CAGE1: variants seen among roughly 807,000 people sequenced by gnomAD.
CAGE1 encodes cancer-associated gene 1 protein.
In CAGE1, 66 loss-of-function variants were observed where a neutral mutation model predicts 94.9. The observed-to-expected ratio is 0.70, with a 90% CI of 0.57 to 0.85. CAGE1 has a LOEUF of 0.85. CAGE1 is among the 40% of genes least tolerant of loss of function. CAGE1 has a pLI of 0.00. For missense variants in CAGE1, 865 were observed against 950.4 expected (o/e 0.91, Z 1.18); for synonymous variants, 319 against 321.0 (o/e 0.99, Z 0.07).
At chr6:7,360,280 G>A (rs1051390191) in intron 9 of CAGE1, among the ~76,000 whole-genome samples, 19 of 152,052 alleles carry the variant, frequency 1.2e-4, no homozygotes, top group African/African-American at 4.6e-4. Flanking sequence ...AATCTTTGGG[G>A]GTGCCATTAT....
intron 9 of CAGE1, among the ~76,000 whole-genome samples, chr6:7,363,114 C>CA (rs1162966949): frequency 2.0e-5 from 3 of 152,006 alleles, no homozygotes; most frequent in African/African-American, 7.2e-5. Flanking sequence ...ACTAAAAATA[C>CA]AAAAAATTAG....
intron 11 of CAGE1, among the ~76,000 whole-genome samples, chr6:7,347,981 T>C (rs575345328): frequency 1.3e-5 from 2 of 151,854 alleles, no homozygotes; most frequent in Admixed American, 6.5e-5. Context: ...GCCTTCCCTA[T>C]CCACCCCTGG....
intron 11 of CAGE1, among the ~76,000 whole-genome samples, chr6:7,346,928 C>T (rs954850860): frequency 3.3e-5 from 5 of 152,060 alleles, no homozygotes; most frequent in African/African-American, 1.2e-4. Context: ...ATGATAAAGC[C>T]TAAATTCAGA....
intron 13 of CAGE1, among the ~76,000 whole-genome samples, chr6:7,328,900 GTGTGTGTGTGTGTGTGTGTA>G (rs1561843790): frequency 9.6e-5 from 9 of 93,342 alleles, no homozygotes; most frequent in Admixed American, 2.1e-4. Context: ...GTGTGTGTGT[GTGTGTGTGTGTGTGTGTGTA>G]TATATATATA....
chr6:7,379,394 C>T (rs1379112935), intron 3 of CAGE1, among the ~76,000 whole-genome samples: 1 of 152,090 alleles, frequency 6.6e-6, no homozygotes, highest in Admixed American at 6.6e-5. Flanking sequence ...TATAAACTTG[C>T]TTAATCTCAC....
intron 11 of CAGE1, among the ~76,000 whole-genome samples, chr6:7,346,131 G>A (rs1406748807): frequency 6.6e-6 from 1 of 152,078 alleles, no homozygotes; most frequent in Non-Finnish European, 1.5e-5. Flanking sequence ...ATAAAAGAAT[G>A]GCTACTCCGT....
intron 11 of CAGE1, among the ~76,000 whole-genome samples, chr6:7,336,613 G>A (rs913708525): frequency 2.0e-5 from 3 of 152,178 alleles, no homozygotes; most frequent in Non-Finnish European, 4.4e-5. Context: ...TGGTTCAAGT[G>A]ATTCTCATGC....
At chr6:7,332,233 G>C (rs558577027) in intron 12 of CAGE1, among the ~76,000 whole-genome samples, 1 of 152,198 alleles carries the variant, frequency 6.6e-6, no homozygotes, top group East Asian at 1.9e-4. Flanking sequence ...TACTTGGCTG[G>C]GTGGCTTCAG....
intron 13 of CAGE1, among the ~76,000 whole-genome samples, chr6:7,328,900 GTGTGTGTGTGTGTGTGTGTATATATA>G: frequency 1.1e-4 from 10 of 93,334 alleles, no homozygotes; most frequent in Non-Finnish European, 2.2e-4. Context: ...GTGTGTGTGT[GTGTGTGTGTGTGTGTGTGTATATATA>G]TATATATATT....
At chr6:7,349,102 A>G (rs993127175) in intron 11 of CAGE1, among the ~76,000 whole-genome samples, 1 of 152,206 alleles carries the variant, frequency 6.6e-6, no homozygotes, top group East Asian at 1.9e-4. Context: ...GCCTAGGTAC[A>G]TTGTCATCAG....
intron 1 of CAGE1, among the ~76,000 whole-genome samples, chr6:7,388,193 T>G (rs1267112679): frequency 1.3e-5 from 2 of 152,156 alleles, no homozygotes; most frequent in Non-Finnish European, 2.9e-5. Context: ...TATAAATTTT[T>G]GTCCTTCCAG....
chr6:7,375,046 TA>T (rs1048871012), intron 4 of CAGE1, among the ~76,000 whole-genome samples: 7 of 140,318 alleles, frequency 5.0e-5, no homozygotes, highest in Admixed American at 7.2e-5. Context: ...AAAATAATAA[TA>T]ATAAAATAAA....
chr6:7,334,037 T>A lies in CAGE1; in HGVS notation c.2423A>T (p.Lys808Ile). The A allele has an allele frequency of 6.5e-7, 1 of 1,532,920 alleles. No homozygotes were observed. The highest frequency in any genetic ancestry group is 2.4e-5 in the East Asian group (1 of 41,254). 95.0% of individuals were successfully genotyped at this position (1,532,920 alleles called of 1,614,324 possible). ...LEDLIRKPRE[K>I]ARKPRSKSLE... ...GGAAACTTACCTTGGTTTTCTGGCT[T>A]TTTCTCTGGGCTTTCTAATTAAATC... is the stretch of plus-strand genomic sequence containing the variant. Residue 808 changes from lysine (K) to isoleucine (I), a missense_variant, in exon 12 of 14, where the codon AAA becomes ATA. Physicochemically the swap from Lys to Ile is moderately radical, Grantham distance 102. Transcript: ENST00000502583.
intron 13 of CAGE1, among the ~76,000 whole-genome samples, chr6:7,329,570 A>T (rs913279010): frequency 3.3e-5 from 5 of 152,156 alleles, no homozygotes; most frequent in African/African-American, 1.2e-4. Flanking sequence ...AGAAACAATA[A>T]TTAGGAGGTG....
chr6:7,379,495 T>A (rs9392885), intron 3 of CAGE1, among the ~76,000 whole-genome samples: 1 of 152,236 alleles, frequency 6.6e-6, no homozygotes, highest in Non-Finnish European at 1.5e-5. Context: ...TTGTCCAAAG[T>A]CACAGAGCTG....
chr6:7,385,084 C>A (rs1184415197), intron 3 of CAGE1, among the ~76,000 whole-genome samples: 2 of 152,128 alleles, frequency 1.3e-5, no homozygotes, highest in Non-Finnish European at 2.9e-5. Context: ...CGGCTCACAG[C>A]AACCTCCACC....
intron 1 of CAGE1, 54 bp downstream of exon 1, chr6:7,389,148 C>T: frequency 2.5e-6 from 1 of 404,722 alleles, no homozygotes; most frequent in South Asian, 1.7e-5. Flanking sequence ...GGGAGTTACT[C>T]GCAAAAACTA....
At chr6:7,372,317 C>T (rs1328192862) in intron 5 of CAGE1, among the ~76,000 whole-genome samples, 5 of 151,744 alleles carry the variant, frequency 3.3e-5, no homozygotes, top group Non-Finnish European at 5.9e-5. Context: ...ACTAAAAATA[C>T]AAAATTAGCT....
At chr6:7,327,435 AC>A (rs1688606681) in intron 13 of CAGE1, among the ~76,000 whole-genome samples, 1 of 151,926 alleles carries the variant, frequency 6.6e-6, no homozygotes, top group Non-Finnish European at 1.5e-5. Context: ...GAGCCACCAC[AC>A]CTGGCCCCCA....
Sources: gnomAD v4.1 joint callset for allele counts (sites outside exome capture counted in the v4.1 genomes callset) on GRCh38, gnomAD v4.1.1 for gene constraint, MANE v1.5 for transcripts, NCBI Gene and HGNC (gene_info 2026-07-23, HGNC 2026-07-21) for gene names.